RPH3AL: variants seen among roughly 807,000 people sequenced by gnomAD.
The protein encoded by RPH3AL is rabphilin 3A like (without C2 domains).
Under a neutral mutation model 43.1 loss-of-function variants are expected in RPH3AL, and 38 were observed. The observed-to-expected ratio is 0.88, with a 90% CI of 0.68 to 1.15. The LOEUF is 1.15. Among genes scored for constraint, RPH3AL ranks in the 50% most tolerant of loss-of-function variants. The probability of loss-of-function intolerance (pLI) is 0.00; values close to 1 mark genes in which losing one functional copy is unlikely to be tolerated. For synonymous variants in RPH3AL, 189 were observed against 176.3 expected (o/e 1.07, Z -0.57); for missense variants, 462 against 423.2 (o/e 1.09, Z -0.81).
chr17:238,977 A>G (rs758523268), intron 7 of RPH3AL, among the ~76,000 whole-genome samples: 1 of 152,160 alleles, frequency 6.6e-6, no homozygotes, highest in Non-Finnish European at 1.5e-5. Context: ...GAGAGCACAC[A>G]CTGTCTGCAG....
At chr17:286,838 G>C (rs902977908) in intron 5 of RPH3AL, among the ~76,000 whole-genome samples, 1 of 152,120 alleles carries the variant, frequency 6.6e-6, no homozygotes, top group African/African-American at 2.4e-5. Flanking sequence ...CTGCGTCCGG[G>C]TGTTAAACGA....
Position 215,567 on chromosome 17 carries a change from G to T in RPH3AL, c.876+87C>A. On this transcript the variant is annotated intron_variant, in intron 9 of 9. Transcript: ENST00000331302. This position sits in a 1 kb window ranked among gnomAD's most constrained non-coding sequence, Gnocchi z 4.1. ...AACATGCAGAATTGAAAACGTCACC[G>T]ACCAGTCTCCAGTTTGGGAGGAGTG... 8.6e-7 allele frequency: 1 copy of T among 1,159,446 alleles called. No homozygotes were observed. The highest frequency in any genetic ancestry group is 4.3e-5 in the South Asian group (1 of 23,380). 71.8% of individuals were successfully genotyped at this position (1,159,446 alleles called of 1,614,324 possible). A position where few individuals can be genotyped will look rare whatever the true frequency, so the allele number is the denominator to read the frequency against.
At chr17:217,178 C>CACTAAAATTG (rs2040827842) in intron 8 of RPH3AL, among the ~76,000 whole-genome samples, 1 of 143,174 alleles carries the variant, frequency 7.0e-6, no homozygotes, top group African/African-American at 2.6e-5. Flanking sequence ...CCTTCTTCTG[C>CACTAAAATTG]GCTAAAATTG....
At chr17:312,168 G>T (rs2151656377) in intron 5 of RPH3AL, among the ~76,000 whole-genome samples, 1 of 152,242 alleles carries the variant, frequency 6.6e-6, no homozygotes, top group South Asian at 2.1e-4. Context: ...AGGCGTGGTG[G>T]CACACATCTG....
In RPH3AL at chr17:334,273, G is replaced by A. The variant is rs570867777; in HGVS notation, c.-212-339C>T. Among the ~76,000 whole-genome samples, 8 of 152,348 alleles carry A rather than the reference G, an allele frequency of 5.3e-5. No individual in the cohort carries two copies. The South Asian group carries it at 1.4e-3, about 28-fold the overall frequency. On this transcript the variant is annotated intron_variant, in intron 1 of 9. Coordinates refer to ENST00000331302, the MANE Select transcript of RPH3AL (RefSeq NM_006987.4). ...CAAAACTCTCAGCAGCCACAGCACA[G>A]TGAGAAAAACAACAGCCGCCCGCAG...
At chr17:319,594 G>A in intron 4 of RPH3AL, 45 bp from the exon 5 acceptor site, 2 of 1,602,562 alleles carry the variant, frequency 1.2e-6, no homozygotes, top group Admixed American at 1.7e-5. Flanking sequence ...CTTCCTGCCT[G>A]GGCACAGTTG....
At chr17:220,334 T>G (rs1180277399) in intron 7 of RPH3AL, among the ~76,000 whole-genome samples, 10 of 128,890 alleles carry the variant, frequency 7.8e-5, no homozygotes, top group Admixed American at 7.9e-5. Context: ...CTCTGAGGCC[T>G]CCACTCACTG....
intron 6 of RPH3AL, among the ~76,000 whole-genome samples, chr17:248,479 C>T (rs2041816214): frequency 6.6e-6 from 1 of 152,150 alleles, no homozygotes; most frequent in Non-Finnish European, 1.5e-5. Context: ...GTAAAGCATC[C>T]CTTTATCACT....
intron 4 of RPH3AL, among the ~76,000 whole-genome samples, chr17:319,872 C>T (rs1170771102): frequency 4.8e-5 from 3 of 63,022 alleles, no homozygotes; most frequent in African/African-American, 7.6e-5. Context: ...TAGAGAGCAG[C>T]GCTATGAAAT....
Position 311,050 on chromosome 17 carries a change from C to A in RPH3AL, c.351+8370G>T, listed in dbSNP as rs1322261678. On this transcript the variant is annotated intron_variant, in intron 5 of 9. Coordinates refer to ENST00000331302, the MANE Select transcript of RPH3AL (RefSeq NM_006987.4). The stretch of plus-strand genomic sequence containing the variant: ...CACCTGCCCATTCACTGCTCAAATG[C>A]AGCTCGTCCCCTGAAAGACTCCTCT... 2.0e-5 allele frequency among the ~76,000 whole-genome samples: 3 copies of A among 151,994 alleles called. No homozygotes were observed. The East Asian group carries it at 5.8e-4, about 29-fold the overall frequency.
At chr17:270,380 G>A (rs2042433953) in intron 6 of RPH3AL, among the ~76,000 whole-genome samples, 1 of 152,218 alleles carries the variant, frequency 6.6e-6, no homozygotes, top group Non-Finnish European at 1.5e-5. Context: ...CTGGGCTGGG[G>A]CTCGGCTAGC....
At chr17:345,721 T>C (rs147650580) in intron 1 of RPH3AL, among the ~76,000 whole-genome samples, 952 of 68,790 alleles carry the variant, frequency 0.014, 167 homozygotes, top group Admixed American at 0.1. Flanking sequence ...TCTGCGTGCA[T>C]ACCCTACTGG....
At chr17:350,534 C>A (rs534729612) in intron 1 of RPH3AL, among the ~76,000 whole-genome samples, 1 of 152,086 alleles carries the variant, frequency 6.6e-6, no homozygotes, top group Non-Finnish European at 1.5e-5. Context: ...TCGCTTGAAC[C>A]GAGGAGGCGG....
At chr17:319,580 T>A (rs374576221) in intron 4 of RPH3AL, 31 bp from the exon 5 acceptor site, 8 of 1,606,118 alleles carry the variant, frequency 5.0e-6, no homozygotes, top group East Asian at 2.2e-5. Context: ...TCAGAGGGAC[T>A]GTGCTTCCTG....
chr17:268,996 A>G (rs1428189274), intron 6 of RPH3AL, among the ~76,000 whole-genome samples: 1 of 152,082 alleles, frequency 6.6e-6, no homozygotes, highest in Non-Finnish European at 1.5e-5. Context: ...CTCCTGCCTC[A>G]GCCTCCCGAG....
intron 6 of RPH3AL, among the ~76,000 whole-genome samples, chr17:269,004 G>A (rs1052145900): frequency 5.3e-5 from 8 of 151,934 alleles, no homozygotes; most frequent in South Asian, 2.1e-4. Context: ...TCAGCCTCCC[G>A]AGTAGCTGGG....
chr17:331,337 C>G, intron 2 of RPH3AL: 3 of 316,334 alleles, frequency 9.5e-6, no homozygotes, highest in Non-Finnish European at 1.2e-5. Context: ...GATGTCGCCT[C>G]CAGAGCTGGG....
intron 3 of RPH3AL, among the ~76,000 whole-genome samples, chr17:324,707 GTACCTATC>G (rs1205971071): frequency 6.9e-5 from 9 of 130,612 alleles, no homozygotes; most frequent in African/African-American, 2.2e-4. Flanking sequence ...AGCTAGCTAT[GTACCTATC>G]TATCTATCTA....
chr17:297,993 C>A (rs954186516), intron 5 of RPH3AL, among the ~76,000 whole-genome samples: 1 of 152,156 alleles, frequency 6.6e-6, no homozygotes, highest in Non-Finnish European at 1.5e-5. Context: ...CTGTCCCCAC[C>A]GGCCTTGCCA....
Sources: allele counts gnomAD v4.1 joint callset (sites outside exome capture counted in the v4.1 genomes callset), GRCh38; gene constraint gnomAD v4.1.1; non-coding constraint Gnocchi (gnomAD v3.1); transcripts MANE v1.5; gene names NCBI Gene and HGNC (gene_info 2026-07-23, HGNC 2026-07-21).